The following FARSA variants were observed in gnomAD, a reference collection of about 807,000 sequenced individuals.
FARSA encodes phenylalanyl-tRNA synthetase subunit alpha, also known as phenylalanine--tRNA ligase alpha subunit.
In FARSA, 37 loss-of-function variants were observed where a neutral mutation model predicts 63.2. The ratio of observed to expected loss-of-function variants is 0.59; its 90% CI spans 0.45 to 0.77. The LOEUF (loss-of-function observed/expected upper bound fraction) is 0.77. FARSA is among the 30% of genes least tolerant of loss of function. FARSA has a pLI of 0.00. For missense variants in FARSA, 618 were observed against 696.6 expected (o/e 0.89, Z 1.27); for synonymous variants, 312 against 285.1 (o/e 1.09, Z -0.95).
chr19:12,928,178 C>G (rs906856952), intron 7 of FARSA, among the ~76,000 whole-genome samples, 164 bp downstream of exon 7: 2 of 152,142 alleles, frequency 1.3e-5, no homozygotes, highest in African/African-American at 4.8e-5. Flanking sequence ...CTCCTGGGCT[C>G]ATGCAATCCT....
intron 4 of FARSA, among the ~76,000 whole-genome samples, 182 bp downstream of exon 4, chr19:12,930,041 C>G (rs923806167): frequency 2.0e-5 from 3 of 152,154 alleles, no homozygotes; most frequent in Non-Finnish European, 4.4e-5. Flanking sequence ...CAGTTCTCAG[C>G]AGAAGGGTCC....
In FARSA at chr19:12,924,956, C is replaced by T. The variant is rs975525475; in HGVS notation, c.974G>A (p.Arg325Gln). Residue 325 changes from arginine (R) to glutamine (Q), a missense_variant, in exon 9 of 13, where the codon CGA becomes CAA. Transcript: ENST00000314606. The surrounding 1 kb of genome is among the most constrained non-coding windows in gnomAD (Gnocchi z 6.4). The stretch of plus-strand genomic sequence containing the variant: ...GGCGCTGGCTGATGTGGTGTGGGTT[C>T]GCAGTAGGTTTTTCCGGGCCTCGTC... ...KLDEARKNLL[R>Q]THTTSASARA... 2 of 1,614,200 alleles carry T rather than the reference C, an allele frequency of 1.2e-6. No homozygotes were observed. Among genetic ancestry groups the T allele is most frequent in the Non-Finnish European group, 8.5e-7 (1 of 1,180,032 alleles).
intron 12 of FARSA, 133 bp from the exon 13 acceptor site, chr19:12,923,019 GC>G (rs1369800956): frequency 1.7e-6 from 2 of 1,159,238 alleles, no homozygotes; most frequent in Non-Finnish European, 2.5e-6. Flanking sequence ...TGCGCCAACT[GC>G]TCTATCACCT....
At chr19:12,931,236 C>A (rs1012103628) in intron 1 of FARSA, among the ~76,000 whole-genome samples, 3 of 152,112 alleles carry the variant, frequency 2.0e-5, no homozygotes, top group Admixed American at 1.3e-4. Flanking sequence ...GGACTACAGG[C>A]ATGTGCCGCC....
At position 12,924,152 on chromosome 19, in the gene FARSA, G is replaced by A. The variant is rs758130016; in HGVS notation, c.1387C>T (p.Arg463Cys). The change falls in exon 12 of 13, where the codon CGC (arginine) becomes TGC (cysteine). Residue 463 changes from arginine (R) to cysteine (C), a missense_variant and splice_region_variant. Coordinates refer to ENST00000314606, the MANE Select transcript of FARSA (RefSeq NM_004461.3). This position sits in a 1 kb window ranked among gnomAD's most constrained non-coding sequence, Gnocchi z 6.4. ...CCGAGTTTCCACTTGGGCACTTACC[G>A]CTCCAGGGAGAGGCCCCAGGCAATG... Reference protein sequence around the residue: ...SVIAWGLSLERPTMIKYGINN... With the variant: ...SVIAWGLSLECPTMIKYGINN... 15 of 1,612,976 alleles carry A rather than the reference G, an allele frequency of 9.3e-6. No homozygotes were observed. Among genetic ancestry groups the A allele is most frequent in the East Asian group, 2.2e-5 (1 of 44,896 alleles).
chr19:12,933,358 T>C (rs1971416337), intron 1 of FARSA, 192 bp downstream of exon 1: 2 of 633,076 alleles, frequency 3.2e-6, no homozygotes, highest in Non-Finnish European at 5.2e-6. Context: ...TCAATAAACG[T>C]TTATTGCATG....
intron 7 of FARSA, among the ~76,000 whole-genome samples, chr19:12,926,776 C>G (rs1358535127): frequency 6.6e-6 from 1 of 152,196 alleles, no homozygotes; most frequent in African/African-American, 2.4e-5. Flanking sequence ...TTCTCAAACT[C>G]CTGGGCTCAA....
intron 1 of FARSA, 50 bp downstream of exon 1, chr19:12,933,500 G>T (rs766801753): frequency 1.3e-6 from 2 of 1,526,330 alleles, no homozygotes; most frequent in Admixed American, 2.0e-5. Flanking sequence ...CGTGGCAAGG[G>T]GACTGTAGGT....
At chr19:12,930,161 C>T (rs1971373957) in intron 4 of FARSA, 62 bp downstream of exon 4, 1 of 1,322,718 alleles carries the variant, frequency 7.6e-7, no homozygotes, top group Admixed American at 1.7e-5. Context: ...CTCCCTCCCA[C>T]CATGCCTCCA....
Position 12,930,601 on chromosome 19 carries a change from G to A in FARSA, c.285+11C>T, listed in dbSNP as rs768687174. 60 of 1,608,242 alleles carry A rather than the reference G, an allele frequency of 3.7e-5. No homozygotes were observed. Among genetic ancestry groups the A allele is most frequent in the Non-Finnish European group, 4.7e-5 (55 of 1,176,314 alleles). On this transcript the variant is annotated intron_variant, in intron 2 of 12. Transcript: ENST00000314606. ...CCATCACTCACTCCCCATTCACCCC[G>A]CAGCTCCTACCATAAGCTCGCTCTG... is the stretch of plus-strand genomic sequence containing the variant.
At chr19:12,929,899 A>C (rs2145999613) in intron 4 of FARSA, among the ~76,000 whole-genome samples, 1 of 152,264 alleles carries the variant, frequency 6.6e-6, no homozygotes, top group South Asian at 2.1e-4. Context: ...ATGAACAAGC[A>C]CCAAAGATGA....
At position 12,931,841 on chromosome 19, in the gene FARSA, C is replaced by T. The variant is rs576882714; in HGVS notation, c.148-1092G>A. ...GGTAAGTAGAGTGCACAGGGCCTGG[C>T]TCCCACTTCATTCTAATCCCAACTC... On this transcript the variant is annotated intron_variant, in intron 1 of 12. Coordinates refer to ENST00000314606, the MANE Select transcript of FARSA (RefSeq NM_004461.3). Among the ~76,000 whole-genome samples the T allele has an allele frequency of 2.1e-4, 32 of 152,300 alleles. 1 individual carries two copies. In the South Asian group the frequency reaches 6.4e-3, roughly 31 times the overall value.
intron 5 of FARSA, 23 bp from the exon 6 acceptor site, chr19:12,928,686 G>T (rs761052563): frequency 3.1e-6 from 5 of 1,613,494 alleles, no homozygotes; most frequent in Non-Finnish European, 4.2e-6. Context: ...GCAAGGGCCT[G>T]GTAAGGGCTG....
intron 8 of FARSA, 25 bp downstream of exon 8, chr19:12,925,065 C>T: frequency 6.2e-7 from 1 of 1,612,462 alleles, no homozygotes; most frequent in Non-Finnish European, 8.5e-7. Flanking sequence ...TCCTTCCCTT[C>T]CATACCAGGT....
rs530768913 is a variant in FARSA, at chr19:12,931,417, C to T, written c.148-668G>A. Among the ~76,000 whole-genome samples, 198 of 152,270 alleles carry T rather than the reference C, an allele frequency of 1.3e-3. 2 individuals are homozygous for T. Among genetic ancestry groups the T allele is most frequent in the African/African-American group, 4.5e-3 (188 of 41,552 alleles). On this transcript the variant is annotated intron_variant, in intron 1 of 12. Coordinates refer to ENST00000314606, the MANE Select transcript of FARSA (RefSeq NM_004461.3). ...TAGCTCGGATTACAGGTGCCCACCACCACCCCCAGCTAATTTTTGTATTTT... is the reference window on the plus strand; with the variant it reads ...TAGCTCGGATTACAGGTGCCCACCATCACCCCCAGCTAATTTTTGTATTTT...
At chr19:12,925,047 C>T in intron 8 of FARSA, 43 bp downstream of exon 8, 1 of 1,612,176 alleles carries the variant, frequency 6.2e-7, no homozygotes, top group Non-Finnish European at 8.5e-7. Context: ...GCCCAGGGGT[C>T]CCCAGCCTCC....
rs568790955 is a variant in FARSA, at chr19:12,928,213, G to A, written c.841+129C>T. On this transcript the variant is annotated intron_variant, in intron 7 of 12. Transcript: ENST00000314606. ...TCCTGCCTTGGCCTCCCAAATAGCC[G>A]GACTACAGGTGCACACCACCATGCC... is the stretch of plus-strand genomic sequence containing the variant. 3.4e-4 allele frequency: 235 copies of A among 693,314 alleles called. 2 individuals carry two copies. The East Asian group carries it at 5.9e-3, about 17-fold the overall frequency. The allele number at this position is 693,314 out of a possible 1,614,324, so 42.9% of individuals were successfully genotyped here.
chr19:12,931,691 G>A (rs952267884), intron 1 of FARSA, among the ~76,000 whole-genome samples: 1 of 152,178 alleles, frequency 6.6e-6, no homozygotes, highest in Non-Finnish European at 1.5e-5. Flanking sequence ...ACCATACCCA[G>A]CCTGTCTCCA....
At chr19:12,923,319 A>G (rs1260769145) in intron 12 of FARSA, among the ~76,000 whole-genome samples, 2 of 152,144 alleles carry the variant, frequency 1.3e-5, no homozygotes, top group East Asian at 1.9e-4. Flanking sequence ...TTTTTGAAAC[A>G]GAGTCTCACT....
Sources: allele counts gnomAD v4.1 joint callset (sites outside exome capture counted in the v4.1 genomes callset), GRCh38; gene constraint gnomAD v4.1.1; non-coding constraint Gnocchi (gnomAD v3.1); transcripts MANE v1.5; gene names NCBI Gene and HGNC (gene_info 2026-07-23, HGNC 2026-07-21).